PRKN: variants seen among roughly 807,000 people sequenced by gnomAD.
PRKN encodes the protein E3 ubiquitin-protein ligase parkin.
A neutral mutation model predicts 59.5 loss-of-function variants in PRKN; 56 were observed. The observed-to-expected ratio is 0.94, with a 90% CI of 0.76 to 1.18. PRKN has a LOEUF of 1.18. PRKN is among the 50% of genes most tolerant of loss of function. The probability of loss-of-function intolerance (pLI) is 0.00; values close to 1 mark genes in which losing one functional copy is unlikely to be tolerated. For missense variants in PRKN, 657 were observed against 596.4 expected (o/e 1.10, Z -1.06); for synonymous variants, 250 against 222.1 (o/e 1.13, Z -1.12).
intron 4 of PRKN, among the ~76,000 whole-genome samples, chr6:162,131,481 C>G (rs1781354822): frequency 6.6e-6 from 1 of 152,126 alleles, no homozygotes; most frequent in Non-Finnish European, 1.5e-5. Context: ...TCGATTTCCC[C>G]TAGGACTGCT....
Position 161,696,820 on chromosome 6 carries a change from T to G in PRKN, c.871+88952A>C, listed in dbSNP as rs142804559. 1.7e-3 allele frequency among the ~76,000 whole-genome samples: 262 copies of G among 152,342 alleles called. 1 individual carries two copies. The highest frequency in any genetic ancestry group is 6.2e-3 in the African/African-American group (257 of 41,568). The stretch of plus-strand genomic sequence containing the variant: ...ATGCACTACTACTTTGTGATTTTAT[T>G]GTAAAAAATGATATTTGCATGCTCA... On this transcript the variant is annotated intron_variant, in intron 7 of 11. Coordinates refer to ENST00000366898, the MANE Select transcript of PRKN (RefSeq NM_004562.3).
chr6:162,420,877 G>T (rs1419378217), intron 2 of PRKN, among the ~76,000 whole-genome samples: 1 of 152,038 alleles, frequency 6.6e-6, no homozygotes, highest in Non-Finnish European at 1.5e-5. Flanking sequence ...ATACAGTTTT[G>T]GTCTTCTACT....
intron 5 of PRKN, among the ~76,000 whole-genome samples, chr6:162,012,969 A>T (rs537172312): frequency 2.6e-5 from 4 of 152,070 alleles, no homozygotes; most frequent in African/African-American, 9.7e-5. Context: ...TTTATGTTGA[A>T]TAAGTGTTTT....
intron 5 of PRKN, among the ~76,000 whole-genome samples, chr6:161,998,820 CA>C (rs1781939987): frequency 1.3e-5 from 2 of 152,026 alleles, no homozygotes; most frequent in South Asian, 2.1e-4. Flanking sequence ...TCCTAACCCC[CA>C]AAATGCCTCA....
intron 7 of PRKN, among the ~76,000 whole-genome samples, chr6:161,681,418 C>T (rs2128172618): frequency 6.6e-6 from 1 of 151,390 alleles, no homozygotes; most frequent in Non-Finnish European, 1.5e-5. Flanking sequence ...TTACCTTTTT[C>T]CAATTGCAAC....
intron 7 of PRKN, among the ~76,000 whole-genome samples, chr6:161,746,393 C>T (rs950718016): frequency 6.6e-6 from 1 of 151,834 alleles, no homozygotes; most frequent in Non-Finnish European, 1.5e-5. Flanking sequence ...TAAGTAGGGG[C>T]TAATTGGCTG....
chr6:161,673,157 A>T (rs1404975190), intron 7 of PRKN, among the ~76,000 whole-genome samples: 1 of 152,148 alleles, frequency 6.6e-6, no homozygotes, highest in Non-Finnish European at 1.5e-5. Context: ...AGTGAATCGT[A>T]GGGAGATGGT....
intron 7 of PRKN, among the ~76,000 whole-genome samples, chr6:161,604,935 A>C (rs1782224972): frequency 6.6e-6 from 1 of 152,142 alleles, no homozygotes; most frequent in Non-Finnish European, 1.5e-5. Flanking sequence ...TTCTGTCCCC[A>C]AAAAAGAGAG....
rs1347793401 is a variant in PRKN, at chr6:161,462,699, C to T, written c.1084-75822G>A. On this transcript the variant is annotated intron_variant, in intron 9 of 11. Coordinates refer to ENST00000366898, the MANE Select transcript of PRKN (RefSeq NM_004562.3). The surrounding 1 kb of genome is among the most constrained non-coding windows in gnomAD (Gnocchi z 4.5). ...AACTTGCTGAAAAATAAGCTGAATT[C>T]GTTGGGAATTGCTGCTAAAACATTC... Among the ~76,000 whole-genome samples the T allele has an allele frequency of 6.6e-6, 1 of 152,154 alleles. No individual in the cohort carries two copies. Among genetic ancestry groups the T allele is most frequent in the Non-Finnish European group, 1.5e-5 (1 of 68,024 alleles).
chr6:162,704,697 T>C (rs1778276772), intron 1 of PRKN, among the ~76,000 whole-genome samples: 1 of 152,188 alleles, frequency 6.6e-6, no homozygotes, highest in Admixed American at 6.5e-5. Context: ...CAAGTCTTCA[T>C]TGACTCGTCT....
At chr6:162,033,408 G>T (rs1007850985) in intron 5 of PRKN, among the ~76,000 whole-genome samples, 4 of 151,958 alleles carry the variant, frequency 2.6e-5, no homozygotes, top group South Asian at 2.1e-4. Flanking sequence ...GCACACCATT[G>T]GTCAACTATC....
rs371603363 is a variant in PRKN, at chr6:161,783,859, C to T, written c.871+1913G>A. ...TGAATCTTAGTTTTAAAAATCATTG[C>T]ATTATTGGTAGATATGCTTAAAAGT... On this transcript the variant is annotated intron_variant, in intron 7 of 11. Coordinates refer to ENST00000366898, the MANE Select transcript of PRKN (RefSeq NM_004562.3). Among the ~76,000 whole-genome samples the T allele has an allele frequency of 4.4e-4, 67 of 152,222 alleles. 2 individuals are homozygous for T. The South Asian group carries it at 0.011, about 25-fold the overall frequency.
At chr6:161,652,295 C>T (rs998850832) in intron 7 of PRKN, among the ~76,000 whole-genome samples, 1 of 152,144 alleles carries the variant, frequency 6.6e-6, no homozygotes, top group Non-Finnish European at 1.5e-5. Flanking sequence ...GTATCAATGT[C>T]AGCAGAAAAT....
intron 4 of PRKN, among the ~76,000 whole-genome samples, chr6:162,094,121 G>A (rs1000169110): frequency 1.3e-5 from 2 of 152,172 alleles, no homozygotes; most frequent in Non-Finnish European, 2.9e-5. Context: ...GACTGAGTAG[G>A]TAGAGCAAGG....
At chr6:162,447,950 A>G (rs1194124980) in intron 1 of PRKN, among the ~76,000 whole-genome samples, 3 of 152,210 alleles carry the variant, frequency 2.0e-5, no homozygotes, top group Admixed American at 6.5e-5. Context: ...AGTCATATCC[A>G]GAACTGTCAA....
intron 2 of PRKN, among the ~76,000 whole-genome samples, chr6:162,370,009 CCTCT>C (rs367702039): frequency 2.6e-5 from 4 of 152,180 alleles, no homozygotes; most frequent in African/African-American, 7.2e-5. Flanking sequence ...GTACACATGG[CCTCT>C]CTATCATCAA....
intron 7 of PRKN, among the ~76,000 whole-genome samples, chr6:161,638,242 C>T (rs141088780): frequency 0.033 from 5,053 of 152,054 alleles, 147 homozygotes; most frequent in South Asian, 0.086. Context: ...AAGCCATTCT[C>T]GTGCCTCAGC....
intron 4 of PRKN, among the ~76,000 whole-genome samples, chr6:162,153,944 A>G (rs1782387176): frequency 6.6e-6 from 1 of 152,116 alleles, no homozygotes; most frequent in African/African-American, 2.4e-5. Flanking sequence ...CATTATTCAG[A>G]AAGAAGTACT....
chr6:162,727,664 A>G lies in PRKN; in HGVS notation c.5T>C (p.Ile2Thr), dbSNP rs1779350904. The G allele has an allele frequency of 2.5e-6, 4 of 1,584,394 alleles. No individual in the cohort carries two copies. The highest frequency in any genetic ancestry group is 2.3e-5 in the East Asian group (1 of 42,822). MIVFVRFNSSHG... is the reference protein window; with the variant it reads MTVFVRFNSSHG... Reference sequence around the variant, plus strand: ...GTACCTGGCAGGTACCCACGTACCTATCATGGTCACTGGGTAGGTGGCGGC... The same window carrying G: ...GTACCTGGCAGGTACCCACGTACCTGTCATGGTCACTGGGTAGGTGGCGGC... Residue 2 changes from isoleucine (I) to threonine (T), a missense_variant and splice_region_variant, in exon 1 of 12, where the codon ATA becomes ACA. Transcript: ENST00000366898.
Sources: allele counts gnomAD v4.1 joint callset (sites outside exome capture counted in the v4.1 genomes callset), GRCh38; gene constraint gnomAD v4.1.1; non-coding constraint Gnocchi (gnomAD v3.1); transcripts MANE v1.5; gene names NCBI Gene and HGNC (gene_info 2026-07-23, HGNC 2026-07-21).